GOLGA6L9: variants seen among roughly 807,000 people sequenced by gnomAD.
The protein encoded by GOLGA6L9 is golgin subfamily A member 6-like protein 9.
A neutral mutation model predicts 51.3 loss-of-function variants in GOLGA6L9; 19 were observed. That is an observed-to-expected ratio of 0.37 (90% CI 0.26 to 0.54). The LOEUF is 0.54. GOLGA6L9 is among the 20% of genes least tolerant of loss of function. The probability of loss-of-function intolerance (pLI) is 0.83; values close to 1 mark genes in which losing one functional copy is unlikely to be tolerated. For synonymous variants in GOLGA6L9, 97 were observed against 184.2 expected (o/e 0.53, Z 3.83); for missense variants, 247 against 464.1 (o/e 0.53, Z 4.30).
chr15:82,417,299 AGTATT>A, the GOLGA6L9 span, among the ~76,000 whole-genome samples: 1 of 152,132 alleles, frequency 6.6e-6, no homozygotes, highest in African/African-American at 2.4e-5. Flanking sequence ...TTTTTTCCCT[AGTATT>A]CTTGAACTGT....
chr15:82,416,963 C>A, the GOLGA6L9 span, among the ~76,000 whole-genome samples: 1 of 152,118 alleles, frequency 6.6e-6, no homozygotes, highest in Admixed American at 6.6e-5. Flanking sequence ...CTTTTCTTCT[C>A]CCCAGAAAGA....
rs1272286933 is a variant in GOLGA6L9 at position 82,438,492 on chromosome 15, A to G, written c.*2081A>G. On this transcript the variant is annotated 3_prime_UTR_variant, in exon 9 of 9. Transcript: ENST00000618348. ...CAAAGTGCATGCAGTCTTTTGCAGT[A>G]CCTCATTCAGCCAAGTATTTGTTCT... is the stretch of plus-strand genomic sequence containing the variant. 6.6e-6 allele frequency: 1 copy of G among 151,138 alleles called. No individual in the cohort carries two copies. The highest frequency in any genetic ancestry group is 1.5e-5 in the Non-Finnish European group (1 of 67,692). 9.4% of individuals were successfully genotyped at this position (151,138 alleles called of 1,614,324 possible).
the GOLGA6L9 span, among the ~76,000 whole-genome samples, chr15:82,418,387 C>A: frequency 9.2e-5 from 14 of 152,138 alleles, no homozygotes; most frequent in African/African-American, 7.2e-5. Context: ...AGGACAGAAC[C>A]GTTTGTGGTG....
At chr15:82,429,634 T>C (rs2031330676), upstream of GOLGA6L9, among the ~76,000 whole-genome samples, 1 of 152,208 alleles carries the variant, frequency 6.6e-6, no homozygotes, top group Admixed American at 6.5e-5. Flanking sequence ...ATGAAAAATA[T>C]AGGCCAAAAT....
intron 7 of GOLGA6L9, chr15:82,435,374 T>G: frequency 3.1e-6 from 1 of 321,110 alleles, no homozygotes; most frequent in Admixed American, 4.4e-5. Flanking sequence ...GGCCTGGTGG[T>G]GCATGCCTGT....
chr15:82,417,174 G>A, the GOLGA6L9 span, among the ~76,000 whole-genome samples: 3 of 152,178 alleles, frequency 2.0e-5, no homozygotes, highest in Non-Finnish European at 4.4e-5. Context: ...GCCAAGCTTA[G>A]GATAGTGTTT....
intron 4 of GOLGA6L9, among the ~76,000 whole-genome samples, chr15:82,433,155 C>G (rs1304593974): frequency 6.6e-6 from 1 of 151,148 alleles, no homozygotes; most frequent in African/African-American, 2.4e-5. Flanking sequence ...GTTGTCACCT[C>G]TCTGGGAAGC....
chr15:82,438,006 G>A lies in GOLGA6L9; in HGVS notation c.*1595G>A, dbSNP rs1304501134. 1.3e-5 allele frequency: 2 copies of A among 150,894 alleles called. No individual in the cohort carries two copies. Among genetic ancestry groups the A allele is most frequent in the East Asian group, 1.9e-4 (1 of 5,194 alleles). 9.3% of individuals were successfully genotyped at this position (150,894 alleles called of 1,614,324 possible). A position where few individuals can be genotyped will look rare whatever the true frequency, so the allele number is the denominator to read the frequency against. ...TGTTCTTGCCTTGTCTGAACTTGCC[G>A]CTTTTGCATTCTTTGAGTTCAGTTT... On this transcript the variant is annotated 3_prime_UTR_variant, in exon 9 of 9. Transcript: ENST00000618348.
the GOLGA6L9 span, among the ~76,000 whole-genome samples, chr15:82,420,813 G>GT: frequency 1.5e-4 from 23 of 151,500 alleles, no homozygotes; most frequent in African/African-American, 3.6e-4. Context: ...AGCCAGAGGG[G>GT]TTTTTTTTGT....
rs1305318180 is a variant in GOLGA6L9, at chr15:82,436,598, T to C, written c.*187T>C. ...TTTCTAATTTATAGTTTAAATTTAT[T>C]TGTGTTTCTAATTTATAGTTTAAAT... is the stretch of plus-strand genomic sequence containing the variant. On this transcript the variant is annotated 3_prime_UTR_variant, in exon 9 of 9. Transcript: ENST00000618348. The C allele has an allele frequency of 3.4e-6, 2 of 589,834 alleles. No homozygotes were observed. The highest frequency in any genetic ancestry group is 3.7e-5 in the African/African-American group (2 of 53,518). 36.5% of individuals were successfully genotyped at this position (589,834 alleles called of 1,614,324 possible). A position where few individuals can be genotyped will look rare whatever the true frequency, so the allele number is the denominator to read the frequency against.
chr15:82,432,713 C>A (rs2031460352), intron 3 of GOLGA6L9, 82 bp downstream of exon 3: 1 of 1,585,142 alleles, frequency 6.3e-7, no homozygotes, highest in Non-Finnish European at 8.6e-7. Context: ...TGTTGCCCCT[C>A]TGCCAGCTGA....
chr15:82,436,404 T>C lies in GOLGA6L9; in HGVS notation c.1292T>C (p.Ile431Thr). The change falls in exon 9 of 9, where the codon ATC becomes ACC. Residue 431 changes from isoleucine to threonine, a missense_variant. Around this residue, in one of 9 missense-constraint regions of GOLGA6L9, gnomAD observed 20 missense variants for 25.1 expected, o/e 0.80. Coordinates refer to ENST00000618348, the MANE Select transcript of GOLGA6L9 (RefSeq NM_198181.4). ...AAENRELNIT[I>T]I ...GAGAACAGGGAGCTAAACATCACCA[T>C]CATCTAAGAGCGGGTCAAGAAATTG... 6 of 1,592,372 alleles carry C rather than the reference T, an allele frequency of 3.8e-6. No individual in the cohort carries two copies. The South Asian group carries it at 5.5e-5, about 15-fold the overall frequency.
At chr15:82,425,872 G>T (rs1174088921), upstream of GOLGA6L9, among the ~76,000 whole-genome samples, 1 of 149,512 alleles carries the variant, frequency 6.7e-6, no homozygotes, top group African/African-American at 2.5e-5. Flanking sequence ...AAGAATATAC[G>T]TGTGTATTTG....
the GOLGA6L9 span, among the ~76,000 whole-genome samples, chr15:82,420,336 A>G: frequency 6.6e-6 from 1 of 151,974 alleles, no homozygotes; most frequent in South Asian, 2.1e-4. Context: ...ACAGTTGTAA[A>G]TTTATTATTG....
chr15:82,419,819 T>C, the GOLGA6L9 span, among the ~76,000 whole-genome samples: 2 of 152,336 alleles, frequency 1.3e-5, no homozygotes, highest in Admixed American at 1.3e-4. Flanking sequence ...TGTTGTTTTT[T>C]TGTGAGATTC....
At position 82,436,371 on chromosome 15, in the gene GOLGA6L9, G is replaced by A. The variant is rs1245348367; in HGVS notation, c.1259G>A (p.Arg420Gln). ...GAGEAACHSF[R>Q]AAENRELNIT... is the part of the protein sequence containing the mutation. ...GGAGAGGCTGCATGCCATTCTTTTC[G>A]GGCTGCCGAGAACAGGGAGCTAAAC... The change falls in exon 9 of 9, where the codon CGG (arginine) becomes CAG (glutamine). Residue 420 changes from arginine (R) to glutamine (Q), a missense_variant. Around this residue, in one of 9 missense-constraint regions of GOLGA6L9, gnomAD observed 20 missense variants for 25.1 expected, o/e 0.80. Coordinates refer to ENST00000618348, the MANE Select transcript of GOLGA6L9 (RefSeq NM_198181.4). 4.1e-5 allele frequency: 65 copies of A among 1,596,292 alleles called. No individual in the cohort carries two copies. Among genetic ancestry groups the A allele is most frequent in the African/African-American group, 5.4e-5 (4 of 74,314 alleles).
chr15:82,437,521 T>G lies in GOLGA6L9; in HGVS notation c.*1110T>G, dbSNP rs1321698585. 1.9e-5 allele frequency: 2 copies of G among 106,536 alleles called. No homozygotes were observed. The highest frequency in any genetic ancestry group is 2.4e-4 in the East Asian group (1 of 4,220). The allele number at this position is 106,536 out of a possible 1,614,324, so 6.6% of individuals were successfully genotyped here. A position where few individuals can be genotyped will look rare whatever the true frequency, so the allele number is the denominator to read the frequency against. On this transcript the variant is annotated 3_prime_UTR_variant, in exon 9 of 9. Transcript: ENST00000618348. ...TGAATTCGAGTGAAGGAAAGCTGTGTGACACCTGGCATTCCTCTGTGTTCA... is the reference window on the plus strand; with the variant it reads ...TGAATTCGAGTGAAGGAAAGCTGTGGGACACCTGGCATTCCTCTGTGTTCA...
chr15:82,431,982 G>A lies in GOLGA6L9; in HGVS notation c.204+33G>A, dbSNP rs2031421268. The A allele has an allele frequency of 1.1e-5, 15 of 1,335,736 alleles. 4 individuals are homozygous for A. The highest frequency in any genetic ancestry group is 1.4e-5 in the Non-Finnish European group (14 of 1,012,232). The allele number at this position is 1,335,736 out of a possible 1,614,324, so 82.7% of individuals were successfully genotyped here. A position where few individuals can be genotyped will look rare whatever the true frequency, so the allele number is the denominator to read the frequency against. ...TCGGCGGGCCAGGCTCCTGGGGACA[G>A]GGAGCCCAAGGGGCAGTAGAGGGTA... On this transcript the variant is annotated intron_variant, in intron 2 of 8. Transcript: ENST00000618348.
In GOLGA6L9 at chr15:82,432,600, G is replaced by A. The variant is rs1208024627; in HGVS notation, c.233G>A (p.Arg78His). 10,571 of 1,604,048 alleles carry A rather than the reference G, an allele frequency of 6.6e-3. 51 individuals are homozygous for A. The highest frequency in any genetic ancestry group is 7.7e-3 in the Non-Finnish European group (9,126 of 1,179,548). The change falls in exon 3 of 9, where the codon CGT (arginine) becomes CAT (histidine). Residue 78 changes from arginine to histidine, a missense_variant. Physicochemically the swap from Arg to His is conservative, Grantham distance 29 (BLOSUM62 0). Around this residue, in one of 9 missense-constraint regions of GOLGA6L9, gnomAD observed 74 missense variants for 91.2 expected, o/e 0.81. Transcript: ENST00000618348. ...GCAACAGGTATCTACGGGGAGGGCC[G>A]TGCATCCTCTACTACCCTGCAGGAT... ...DSATGIYGEG[R>H]ASSTTLQDLE...
Sources: gnomAD v4.1 joint callset for allele counts (sites outside exome capture counted in the v4.1 genomes callset) on GRCh38, gnomAD v4.1.1 for gene constraint, gnomAD v4.1.1 regional missense constraint, MANE v1.5 for transcripts, NCBI Gene and HGNC (gene_info 2026-07-23, HGNC 2026-07-21) for gene names.